BPNT1: variants seen among roughly 807,000 people sequenced by gnomAD.
BPNT1 encodes 3'(2'), 5'-bisphosphate nucleotidase 1.
A neutral mutation model predicts 36.9 loss-of-function variants in BPNT1; 28 were observed. The ratio of observed to expected loss-of-function variants is 0.76; its 90% confidence interval spans 0.56 to 1.04. BPNT1 has a LOEUF of 1.04. Ranked by LOEUF, BPNT1 falls within the 50% of genes least tolerant of loss-of-function variation. BPNT1 has a pLI of 0.00. For missense variants in BPNT1, 313 were observed against 372.9 expected, an observed-to-expected ratio of 0.84 and a Z score of 1.32; for synonymous variants, 119 against 130.9, an observed-to-expected ratio of 0.91 and a Z score of 0.62.
intron 1 of BPNT1, among the ~76,000 whole-genome samples, chr1:220,087,382 CT>C (rs1655835548): frequency 6.6e-6 from 1 of 152,042 alleles, no homozygotes. Flanking sequence ...TGGTGAAACC[CT>C]GTCTCTACTA....
intron 6 of BPNT1, chr1:220,066,151 G>A: frequency 6.9e-7 from 1 of 1,439,856 alleles, no homozygotes; most frequent in Non-Finnish European, 9.3e-7. Flanking sequence ...TCTAATCTCA[G>A]AAAGAAGTGG....
At chr1:220,085,059 T>C (rs1339352498) in intron 1 of BPNT1, among the ~76,000 whole-genome samples, 1 of 151,332 alleles carries the variant, frequency 6.6e-6, no homozygotes, top group Non-Finnish European at 1.5e-5. Context: ...ATGAATACAA[T>C]GTTGGTTCTT....
rs1571771182 is a variant in BPNT1, at chr1:220,073,993, G to A, written c.199C>T (p.Pro67Ser). 2 of 1,613,988 alleles carry A rather than the reference G, an allele frequency of 1.2e-6. No homozygotes were observed. The highest frequency in any genetic ancestry group is 2.2e-5 in the East Asian group (1 of 44,874). ...SICSSLARKF[P>S]KLTIIGEEDL... ...TCTTCCCCTATAATTGTGAGTTTGG[G>A]GAATTTCCGGGCCAATGAAGAACAT... Residue 67 changes from proline to serine, a missense_variant, in exon 3 of 9, where the codon CCC (proline) becomes TCC (serine). Coordinates refer to ENST00000322067, the MANE Select transcript of BPNT1 (RefSeq NM_006085.6).
chr1:220,081,345 C>A (rs1241992008), intron 1 of BPNT1, among the ~76,000 whole-genome samples: 1 of 152,080 alleles, frequency 6.6e-6, no homozygotes, highest in East Asian at 1.9e-4. Flanking sequence ...GAGTTTGAGA[C>A]CAGCCTGACC....
chr1:220,082,941 T>C (rs1655332816), intron 1 of BPNT1, among the ~76,000 whole-genome samples: 1 of 152,056 alleles, frequency 6.6e-6, no homozygotes, highest in Non-Finnish European at 1.5e-5. Context: ...AAAAGGAAGA[T>C]GGAATTGAAA....
intron 6 of BPNT1, among the ~76,000 whole-genome samples, chr1:220,065,355 G>T (rs377496146): frequency 3.3e-5 from 5 of 152,210 alleles, no homozygotes; most frequent in South Asian, 2.1e-4. Flanking sequence ...TCTTTCAAAG[G>T]CTCCACACCA....
intron 1 of BPNT1, among the ~76,000 whole-genome samples, chr1:220,080,784 T>C (rs1665033770): frequency 6.6e-6 from 1 of 152,194 alleles, no homozygotes; most frequent in Non-Finnish European, 1.5e-5. Context: ...ACAATTATTT[T>C]CTGAAAATCA....
In BPNT1 at chr1:220,069,385, T is replaced by C. The variant is rs2102675511; in HGVS notation, c.381A>G (p.Glu127=). The change falls in exon 5 of 9, where the codon GAA becomes GAG. Residue 127 remains glutamate, a splice_region_variant and synonymous_variant. Transcript: ENST00000322067. ...DPLDGTKEYT[E]GLLDNVTVLI... Reference sequence around the variant, plus strand: ...TATGAATACAAAAGAGATATCAACCTTCGGTATATTCCTTGGTTCCATCCA... The same window carrying C: ...TATGAATACAAAAGAGATATCAACCCTCGGTATATTCCTTGGTTCCATCCA... The C allele has an allele frequency of 6.3e-7, 1 of 1,599,170 alleles. No individual in the cohort carries two copies. Among genetic ancestry groups the C allele is most frequent in the African/African-American group, 1.3e-5 (1 of 74,532 alleles).
At position 220,066,001 on chromosome 1, in the gene BPNT1, C is replaced by G. The variant is rs1413337555; in HGVS notation, c.474+1301G>C. 4 of 1,182,836 alleles carry G rather than the reference C, an allele frequency of 3.4e-6. No individual in the cohort carries two copies. The East Asian group carries it at 1.0e-4, about 31-fold the overall frequency. The allele number at this position is 1,182,836 out of a possible 1,614,324, so 73.3% of individuals were successfully genotyped here. Reference sequence around the variant, plus strand: ...TGGTATGTGGGATGTACAATGACCACCTGGGGTACCACAAGTTGCCTGCTT... The same window carrying G: ...TGGTATGTGGGATGTACAATGACCAGCTGGGGTACCACAAGTTGCCTGCTT... On this transcript the variant is annotated intron_variant, in intron 6 of 8. Transcript: ENST00000322067.
chr1:220,073,781 A>G (rs1571770391), intron 3 of BPNT1, among the ~76,000 whole-genome samples, 186 bp downstream of exon 3: 1 of 152,222 alleles, frequency 6.6e-6, no homozygotes, highest in Non-Finnish European at 1.5e-5. Context: ...TGGCTTAGAA[A>G]TAGACCAAAA....
intron 1 of BPNT1, among the ~76,000 whole-genome samples, chr1:220,087,852 ATTAT>A (rs1655883534): frequency 6.6e-6 from 1 of 152,012 alleles, no homozygotes; most frequent in African/African-American, 2.4e-5. Flanking sequence ...ATGAGAAATG[ATTAT>A]TTTATTTTTA....
rs1452914139 is a variant in BPNT1, at chr1:220,068,773, G to A, written c.382+611C>T. On this transcript the variant is annotated intron_variant, in intron 5 of 8. Coordinates refer to ENST00000322067, the MANE Select transcript of BPNT1 (RefSeq NM_006085.6). ...TGCAGTGAGCCGAGATGGTGCCACTGCACTCTAGCCTGGGCAATGAGCAAG... is the reference window on the plus strand; with the variant it reads ...TGCAGTGAGCCGAGATGGTGCCACTACACTCTAGCCTGGGCAATGAGCAAG... Among the ~76,000 whole-genome samples, 3 of 152,174 alleles carry A rather than the reference G, an allele frequency of 2.0e-5. 1 individual carries two copies. The highest frequency in any genetic ancestry group is 4.4e-5 in the Non-Finnish European group (3 of 68,028).
At chr1:220,059,252 T>C (rs1310804154) in intron 8 of BPNT1, among the ~76,000 whole-genome samples, 1 of 132,688 alleles carries the variant, frequency 7.5e-6, no homozygotes, top group Non-Finnish European at 1.6e-5. Flanking sequence ...TCTTTTTTTT[T>C]TTTTTTTTTT....
At chr1:220,073,843 T>C (rs1664304723) in intron 3 of BPNT1, 124 bp downstream of exon 3, 1 of 902,236 alleles carries the variant, frequency 1.1e-6, no homozygotes, top group African/African-American at 1.7e-5. Context: ...ATAATTACTT[T>C]TGTGTTTAAA....
Position 220,057,712 on chromosome 1 carries a change from G to A in BPNT1, c.*1132C>T. The stretch of plus-strand genomic sequence containing the variant: ...TTTCAAACACTTTTTTAAAAAGCTG[G>A]TGAATAACAAAGAGCTAGGATTAAA... On this transcript the variant is annotated 3_prime_UTR_variant, in exon 9 of 9. Coordinates refer to ENST00000322067, the MANE Select transcript of BPNT1 (RefSeq NM_006085.6). 1 of 492,362 alleles carries A rather than the reference G, an allele frequency of 2.0e-6. No homozygotes were observed. Among genetic ancestry groups the A allele is most frequent in the Non-Finnish European group, 3.5e-6 (1 of 285,090 alleles). The allele number at this position is 492,362 out of a possible 1,614,324, so 30.5% of individuals were successfully genotyped here. A position where few individuals can be genotyped will look rare whatever the true frequency, so the allele number is the denominator to read the frequency against.
chr1:220,072,933 G>C lies in BPNT1; in HGVS notation c.250C>G (p.Gln84Glu), dbSNP rs758126497. ...EEDLPSEEVD[Q>E]ELIEDSQWEE... ...CACTGACTGTCTTCAATCAGCTCTT[G>C]ATCCACTTCCTCAGAAGGCAGATCC... Residue 84 changes from glutamine to glutamate, a missense_variant, in exon 4 of 9, where the codon CAA becomes GAA. Physicochemically the swap from Gln to Glu is conservative, Grantham distance 29. Coordinates refer to ENST00000322067, the MANE Select transcript of BPNT1 (RefSeq NM_006085.6). 4 of 1,614,052 alleles carry C rather than the reference G, an allele frequency of 2.5e-6. No individual in the cohort carries two copies. The highest frequency in any genetic ancestry group is 3.4e-6 in the Non-Finnish European group (4 of 1,179,986).
chr1:220,057,709 C>A lies in BPNT1; in HGVS notation c.*1135G>T. The A allele has an allele frequency of 2.1e-6, 1 of 480,366 alleles. No individual in the cohort carries two copies. Among genetic ancestry groups the A allele is most frequent in the East Asian group, 7.4e-5 (1 of 13,600 alleles). 29.8% of individuals were successfully genotyped at this position (480,366 alleles called of 1,614,324 possible). ...AATTTTCAAACACTTTTTTAAAAAG[C>A]TGGTGAATAACAAAGAGCTAGGATT... On this transcript the variant is annotated 3_prime_UTR_variant, in exon 9 of 9. Coordinates refer to ENST00000322067, the MANE Select transcript of BPNT1 (RefSeq NM_006085.6).
At chr1:220,062,670 G>A in intron 7 of BPNT1, 87 bp downstream of exon 7, 2 of 1,436,726 alleles carry the variant, frequency 1.4e-6, no homozygotes, top group South Asian at 2.4e-5. Flanking sequence ...GTAATGGGAT[G>A]GCTAAACTCT....
chr1:220,079,755 G>C lies in BPNT1; in HGVS notation c.92C>G (p.Ala31Gly), dbSNP rs775399802. The C allele has an allele frequency of 6.2e-7, 1 of 1,614,012 alleles. No homozygotes were observed. Among genetic ancestry groups the C allele is most frequent in the African/African-American group, 1.3e-5 (1 of 74,928 alleles). ...KAGMIVRRVI[A>G]EGDLGIVEKT... ...CTCCACAATACCCAGGTCTCCTTCA[G>C]CAATAACACGTCTGACTATCATTCC... is the stretch of plus-strand genomic sequence containing the variant. Residue 31 changes from alanine to glycine, a missense_variant, in exon 2 of 9, where the codon GCT (alanine) becomes GGT (glycine). Ala to Gly is a moderately conservative substitution (Grantham distance 60). Transcript: ENST00000322067.
Sources: gnomAD v4.1 joint callset for allele counts (sites outside exome capture counted in the v4.1 genomes callset) on GRCh38, gnomAD v4.1.1 for gene constraint, MANE v1.5 for transcripts, NCBI Gene and HGNC (gene_info 2026-07-23, HGNC 2026-07-21) for gene names.